Variants in DLG2 observed in about 807,000 individuals in gnomAD.
The protein encoded by DLG2 is disks large homolog 2.
DLG2 carries 45 observed loss-of-function variants against 132.5 expected under a neutral mutation model. That is an observed-to-expected ratio of 0.34 (90% CI 0.27 to 0.44). DLG2 has a LOEUF of 0.44. DLG2 is among the 20% of genes least tolerant of loss of function. The pLI is 1.00. For synonymous variants in DLG2, 424 were observed against 419.6 expected, an observed-to-expected ratio of 1.01 and a Z score of -0.13; for missense variants, 1,045 against 1,196.9, an observed-to-expected ratio of 0.87 and a Z score of 1.87.
intron 7 of DLG2, among the ~76,000 whole-genome samples, chr11:84,454,816 G>A (rs926659058): frequency 5.3e-5 from 8 of 151,388 alleles, no homozygotes; most frequent in African/African-American, 1.9e-4. Context: ...GCTTATAAGT[G>A]GTTGATCAAT....
chr11:83,906,959 A>C (rs2075116860), intron 15 of DLG2, among the ~76,000 whole-genome samples: 1 of 152,192 alleles, frequency 6.6e-6, no homozygotes, highest in African/African-American at 2.4e-5. Flanking sequence ...AAAGTACTAT[A>C]ACAGAGGTAC....
At chr11:84,248,434 A>G (rs2097331173) in intron 8 of DLG2, among the ~76,000 whole-genome samples, 1 of 152,146 alleles carries the variant, frequency 6.6e-6, no homozygotes, top group South Asian at 2.1e-4. Flanking sequence ...GTGCATAGAG[A>G]TTAAATAAAT....
chr11:83,588,170 C>G (rs2097125001), intron 19 of DLG2, among the ~76,000 whole-genome samples: 1 of 151,834 alleles, frequency 6.6e-6, no homozygotes, highest in Admixed American at 6.6e-5. Context: ...TAGGCTCCAC[C>G]TCTGGGGGCA....
chr11:83,608,016 G>C (rs2059589476), intron 19 of DLG2, among the ~76,000 whole-genome samples: 1 of 152,118 alleles, frequency 6.6e-6, no homozygotes, highest in Admixed American at 6.5e-5. Context: ...CGTCTTACGG[G>C]GTGTTAGAAA....
intron 8 of DLG2, among the ~76,000 whole-genome samples, chr11:84,228,534 C>G (rs11603088): frequency 6.6e-6 from 1 of 152,084 alleles, no homozygotes; most frequent in South Asian, 2.1e-4. Flanking sequence ...TGAAGTGATC[C>G]TAAGAAATGA....
intron 5 of DLG2, among the ~76,000 whole-genome samples, chr11:85,117,648 A>C (rs1453653240): frequency 6.6e-6 from 1 of 151,660 alleles, no homozygotes; most frequent in African/African-American, 2.4e-5. Context: ...AGGAATAAAA[A>C]AAAAAACTAG....
At chr11:84,846,469 T>G (rs1202485126) in intron 6 of DLG2, among the ~76,000 whole-genome samples, 1 of 152,114 alleles carries the variant, frequency 6.6e-6, no homozygotes, top group Non-Finnish European at 1.5e-5. Flanking sequence ...AATTATTTCT[T>G]GAATAGTTTA....
At chr11:84,365,549 G>A (rs1448148510) in intron 7 of DLG2, among the ~76,000 whole-genome samples, 1 of 151,802 alleles carries the variant, frequency 6.6e-6, no homozygotes, top group African/African-American at 2.4e-5. Context: ...CTTGCCTTCT[G>A]CTAGCTTTTG....
chr11:84,977,504 T>C (rs979554128), intron 6 of DLG2, among the ~76,000 whole-genome samples: 1 of 152,290 alleles, frequency 6.6e-6, no homozygotes, highest in Middle Eastern at 3.4e-3. Context: ...ACAGAAAGCA[T>C]CTAACTGATA....
At chr11:85,578,229 C>A (rs979679831) in intron 3 of DLG2, among the ~76,000 whole-genome samples, 3 of 152,086 alleles carry the variant, frequency 2.0e-5, no homozygotes, top group Non-Finnish European at 4.4e-5. Context: ...ATACTATATA[C>A]AAAAATTAAC....
intron 11 of DLG2, among the ~76,000 whole-genome samples, chr11:84,049,556 A>G (rs1180501970): frequency 2.6e-5 from 4 of 151,700 alleles, no homozygotes; most frequent in African/African-American, 9.7e-5. Context: ...CTCTGCCCCA[A>G]TTCTTCCCAT....
intron 3 of DLG2, among the ~76,000 whole-genome samples, chr11:85,530,177 G>A (rs2075097978): frequency 6.6e-6 from 1 of 151,034 alleles, no homozygotes; most frequent in Admixed American, 6.6e-5. Flanking sequence ...TGGATTTTTA[G>A]TAGAGATGGA....
chr11:85,388,280 C>T (rs1045522360), intron 3 of DLG2, among the ~76,000 whole-genome samples: 9 of 152,082 alleles, frequency 5.9e-5, no homozygotes, highest in African/African-American at 2.2e-4. Context: ...ACACCCCCAG[C>T]CCCCAAAACA....
intron 21 of DLG2, 134 bp downstream of exon 21, chr11:83,532,574 G>A: frequency 1.5e-6 from 1 of 688,822 alleles, no homozygotes; most frequent in South Asian, 1.8e-5. Flanking sequence ...ATTAACTTCA[G>A]CAATATATTT....
At chr11:83,779,740 G>A (rs759604976) in intron 18 of DLG2, among the ~76,000 whole-genome samples, 1 of 152,084 alleles carries the variant, frequency 6.6e-6, no homozygotes, top group Non-Finnish European at 1.5e-5. Context: ...TATCTTTAAG[G>A]ATTCTTAAAA....
intron 6 of DLG2, among the ~76,000 whole-genome samples, chr11:84,691,853 A>C (rs1055945030): frequency 6.6e-6 from 1 of 151,684 alleles, no homozygotes; most frequent in African/African-American, 2.4e-5. Flanking sequence ...AAAATCATTC[A>C]ATACTTTACT....
chr11:83,800,196 A>C (rs2043977672), intron 17 of DLG2, among the ~76,000 whole-genome samples: 1 of 152,184 alleles, frequency 6.6e-6, no homozygotes, highest in Non-Finnish European at 1.5e-5. Context: ...AGGAGTGCTG[A>C]GTTCCAGTCA....
intron 6 of DLG2, chr11:84,955,699 G>A (rs1461745363): frequency 6.6e-6 from 1 of 152,136 alleles, no homozygotes. Context: ...AAATGATGCT[G>A]CCTTACTGAA....
chr11:85,386,854 G>A (rs1397534986), intron 3 of DLG2, among the ~76,000 whole-genome samples: 5 of 143,700 alleles, frequency 3.5e-5, no homozygotes, highest in Non-Finnish European at 6.1e-5. Context: ...CAATAGGAAG[G>A]CAACCAAAAA....
Sources: allele counts gnomAD v4.1 joint callset (sites outside exome capture counted in the v4.1 genomes callset), GRCh38; gene constraint gnomAD v4.1.1; transcripts MANE v1.5; gene names NCBI Gene and HGNC (gene_info 2026-07-23, HGNC 2026-07-21).